Variants in KDM6A observed in about 807,000 individuals in gnomAD.
The protein encoded by KDM6A is lysine-specific demethylase 6A.
KDM6A carries 11 observed loss-of-function variants against 117.6 expected under a neutral mutation model. That is an observed-to-expected ratio of 0.09 (90% CI 0.06 to 0.15). The LOEUF (loss-of-function observed/expected upper bound fraction) is 0.15, where lower values mean the gene tolerates loss of function less well. Among genes scored for constraint, KDM6A ranks in the 10% least tolerant of loss-of-function variants. The probability of loss-of-function intolerance (pLI) is 1.00; values close to 1 mark genes in which losing one functional copy is unlikely to be tolerated. For missense variants in KDM6A, 799 were observed against 1,077.3 expected, an observed-to-expected ratio of 0.74 and a Z score of 3.62; for synonymous variants, 384 against 396.1, an observed-to-expected ratio of 0.97 and a Z score of 0.36.
At chrX:44,908,460 G>A (rs2034869935) in intron 2 of KDM6A, among the ~76,000 whole-genome samples, 1 of 111,639 alleles carries the variant, frequency 9.0e-6, no homozygotes, top group African/African-American at 3.3e-5. Flanking sequence ...CACATGTGTG[G>A]CACCTTGGCA....
At chrX:45,042,534 A>G (rs961625283) in intron 8 of KDM6A, among the ~76,000 whole-genome samples, 7 of 111,426 alleles carry the variant, frequency 6.3e-5, no homozygotes, top group Middle Eastern at 4.7e-3. Context: ...AGTTCCACCA[A>G]TTTTTACCAA....
At chrX:45,079,012 G>A (rs1026566582) in intron 20 of KDM6A, 134 bp from the exon 21 acceptor site, 1 of 526,887 alleles carries the variant, frequency 1.9e-6, no homozygotes, top group Non-Finnish European at 3.1e-6. Flanking sequence ...GTTGTGCAGA[G>A]GCCCTAGTTT....
intron 2 of KDM6A, among the ~76,000 whole-genome samples, chrX:44,916,071 A>G (rs188460482): frequency 2.5e-4 from 28 of 111,294 alleles, no homozygotes; most frequent in Non-Finnish European, 4.1e-4. Context: ...TTGTTAATCT[A>G]TTGTGCCTAG....
At chrX:45,081,437 A>G (rs1426295082) in intron 21 of KDM6A, among the ~76,000 whole-genome samples, 1 of 112,187 alleles carries the variant, frequency 8.9e-6, no homozygotes, top group African/African-American at 3.2e-5. Flanking sequence ...AAAAATACCT[A>G]TATGTATCCA....
In KDM6A at chrX:44,956,481, C is replaced by A. The variant is rs774018611; in HGVS notation, c.226-4803C>A. Among the ~76,000 whole-genome samples, 504 of 110,746 alleles carry A rather than the reference C, an allele frequency of 4.6e-3. 1 individual carries two copies. Among genetic ancestry groups the A allele is most frequent in the Non-Finnish European group, 7.0e-3 (368 of 52,898 alleles). On this transcript the variant is annotated intron_variant, in intron 2 of 29. Transcript: ENST00000611820. The stretch of plus-strand genomic sequence containing the variant: ...GTGGTGCAATCATGGCTCATTGTAG[C>A]CTCATCTTCCCAGACCCAAGCCATC...
intron 2 of KDM6A, among the ~76,000 whole-genome samples, chrX:44,885,641 C>T (rs759820868): frequency 1.3e-4 from 14 of 110,340 alleles, no homozygotes; most frequent in African/African-American, 4.6e-4. Context: ...GGGGCCAAGG[C>T]GGGCAGATCA....
In KDM6A at chrX:45,061,424, G is replaced by T; in HGVS notation, c.1581+5G>T. The stretch of plus-strand genomic sequence containing the variant: ...TTGACACCACAGAAATTACAGGTAT[G>T]TAAGATGTTTTTGACAAATTGTTTA... On this transcript the variant is annotated splice_donor_5th_base_variant and intron_variant, in intron 15 of 29. Transcript: ENST00000611820. 2 of 970,201 alleles carry T rather than the reference G, an allele frequency of 2.1e-6. No individual in the cohort carries two copies. Among genetic ancestry groups the T allele is most frequent in the African/African-American group, 4.0e-5 (2 of 50,430 alleles). The allele number at this position is 970,201 out of a possible 1,213,427, so 80.0% of individuals were successfully genotyped here.
intron 2 of KDM6A, among the ~76,000 whole-genome samples, chrX:44,950,311 G>A (rs778727327): frequency 5.4e-5 from 6 of 111,530 alleles, no homozygotes; most frequent in Middle Eastern, 4.6e-3. Flanking sequence ...GAGCCCCTGC[G>A]CCCGGCCTTG....
intron 2 of KDM6A, among the ~76,000 whole-genome samples, chrX:44,898,247 G>T (rs926306521): frequency 7.1e-5 from 8 of 111,891 alleles, no homozygotes; most frequent in African/African-American, 2.6e-4. Context: ...ATGCCAGGTG[G>T]GGAATGGAAG....
At chrX:44,939,573 T>A (rs986481490) in intron 2 of KDM6A, among the ~76,000 whole-genome samples, 1 of 112,326 alleles carries the variant, frequency 8.9e-6, no homozygotes, top group Admixed American at 9.4e-5. Context: ...TTTAGGATAT[T>A]TTGTAAACTT....
chrX:45,050,707 G>GT (rs973428693), intron 8 of KDM6A, among the ~76,000 whole-genome samples: 14 of 110,797 alleles, frequency 1.3e-4, no homozygotes, highest in Non-Finnish European at 2.6e-4. Context: ...TCTTTTGTTA[G>GT]TTTTTTCCTT....
intron 5 of KDM6A, among the ~76,000 whole-genome samples, chrX:45,012,197 A>ATTTTTTTTTTTTTTTTT (rs760991442): frequency 1.0e-4 from 7 of 69,070 alleles, no homozygotes; most frequent in African/African-American, 3.8e-4. Flanking sequence ...CCCAATGTAG[A>ATTTTTTTTTTTTTTTTT]TTTTTTTTTT....
intron 29 of KDM6A, among the ~76,000 whole-genome samples, chrX:45,110,546 C>T (rs2046730166): frequency 9.0e-6 from 1 of 111,498 alleles, no homozygotes; most frequent in African/African-American, 3.3e-5. Flanking sequence ...TCCTTTATGT[C>T]ATTTTATCTC....
At chrX:44,988,155 G>A (rs922583409) in intron 4 of KDM6A, among the ~76,000 whole-genome samples, 13 of 110,998 alleles carry the variant, frequency 1.2e-4, no homozygotes, top group South Asian at 1.1e-3. Flanking sequence ...CATTTCATTC[G>A]TTTGATCTTC....
Position 45,000,098 on chromosome X carries a change from C to T in KDM6A, c.385-10863C>T, listed in dbSNP as rs184978211. Among the ~76,000 whole-genome samples, 4 of 111,777 alleles carry T rather than the reference C, an allele frequency of 3.6e-5. No homozygotes were observed. The East Asian group carries it at 1.1e-3, about 32-fold the overall frequency. ...TTTCATCATGACGCAAACTCCTCCT[C>T]TTTCTGCTAATATCATGTCTAAGGC... On this transcript the variant is annotated intron_variant, in intron 4 of 29. Coordinates refer to ENST00000611820, the MANE Select transcript of KDM6A (RefSeq NM_001291415.2).
intron 25 of KDM6A, 59 bp downstream of exon 25, chrX:45,086,038 A>T (rs1602965810): frequency 3.0e-6 from 2 of 669,017 alleles, no homozygotes; most frequent in African/African-American, 2.2e-5. Flanking sequence ...ATTGTAAACG[A>T]CAACTTACCA....
intron 8 of KDM6A, among the ~76,000 whole-genome samples, chrX:45,049,434 C>T (rs1029737213): frequency 5.4e-5 from 6 of 112,046 alleles, no homozygotes; most frequent in Non-Finnish European, 1.1e-4. Flanking sequence ...ATTTTCTTCT[C>T]TTAACTTTAT....
In KDM6A at chrX:44,982,238, G is replaced by A. The variant is rs1041463932; in HGVS notation, c.384+7523G>A. On this transcript the variant is annotated intron_variant, in intron 4 of 29. Transcript: ENST00000611820. ...GTGTTTCAGTTTGAAAAACTAGTTG[G>A]TCTGTTACAAGATATGCAGGATATG... is the stretch of plus-strand genomic sequence containing the variant. Among the ~76,000 whole-genome samples the A allele has an allele frequency of 6.3e-5, 7 of 111,560 alleles. No individual in the cohort carries two copies. In the Middle Eastern group the frequency reaches 0.014, roughly 219 times the overall value.
At chrX:44,916,969 TTG>T in intron 2 of KDM6A, among the ~76,000 whole-genome samples, 1 of 108,841 alleles carries the variant, frequency 9.2e-6, no homozygotes, top group Non-Finnish European at 1.9e-5. Flanking sequence ...TTTTAAAATT[TTG>T]TCTTTCCTGC....
Sources: allele counts gnomAD v4.1 joint callset (sites outside exome capture counted in the v4.1 genomes callset), GRCh38; gene constraint gnomAD v4.1.1; transcripts MANE v1.5; gene names NCBI Gene and HGNC (gene_info 2026-07-23, HGNC 2026-07-21).